SLC16A10: variants seen among roughly 807,000 people sequenced by gnomAD.
The protein encoded by SLC16A10 is monocarboxylate transporter 10.
Under a neutral mutation model 40.0 loss-of-function variants are expected in SLC16A10, and 27 were observed. The ratio of observed to expected loss-of-function variants is 0.67; its 90% confidence interval spans 0.50 to 0.93. SLC16A10 has a LOEUF of 0.93. Ranked by LOEUF, SLC16A10 falls within the 40% of genes least tolerant of loss-of-function variation. The pLI, the probability that SLC16A10 is intolerant of heterozygous loss-of-function variation, is 0.00. For missense variants in SLC16A10, 529 were observed against 658.2 expected (o/e 0.80, Z 2.15); for synonymous variants, 213 against 249.8 (o/e 0.85, Z 1.39).
At chr6:111,118,785 A>T (rs979856006) in intron 1 of SLC16A10, among the ~76,000 whole-genome samples, 9 of 144,734 alleles carry the variant, frequency 6.2e-5, no homozygotes, top group Admixed American at 6.9e-5. Flanking sequence ...GAGAATAGGT[A>T]TCGCCACCTA....
chr6:111,139,093 T>TTCTTC (rs141333381), intron 1 of SLC16A10, among the ~76,000 whole-genome samples: 38 of 5,652 alleles, frequency 6.7e-3, no homozygotes, highest in South Asian at 0.032. Flanking sequence ...CTTCTTCTTC[T>TTCTTC]TTTTTTTTTT....
chr6:111,226,277 G>T lies in SLC16A10; in HGVS notation c.*4042G>T, dbSNP rs1228208639. 1 of 151,870 alleles carries T rather than the reference G, an allele frequency of 6.6e-6. No homozygotes were observed. The highest frequency in any genetic ancestry group is 2.4e-5 in the African/African-American group (1 of 41,334). The allele number at this position is 151,870 out of a possible 1,614,324, so 9.4% of individuals were successfully genotyped here. ...TAAGGTTTCATTAAATCTTAGTTCC[G>T]AGAGCCCAGCATGAAGGGTGACTGG... On this transcript the variant is annotated 3_prime_UTR_variant, in exon 6 of 6. Coordinates refer to ENST00000368851, the MANE Select transcript of SLC16A10 (RefSeq NM_018593.5).
rs1425202402 is a variant in SLC16A10, at chr6:111,222,044, T to C, written c.1357T>C (p.Tyr453His). 6.2e-7 allele frequency: 1 copy of C among 1,610,134 alleles called. No homozygotes were observed. Among genetic ancestry groups the C allele is most frequent in the Non-Finnish European group, 8.5e-7 (1 of 1,179,056 alleles). ...ACTGGGCTCCTATGATGTGGCATTC[T>C]ACCTCGCTGGAGTCCCTCCCCTTAT... ...DKLGSYDVAFYLAGVPPLIGG... is the reference protein window; with the variant it reads ...DKLGSYDVAFHLAGVPPLIGG... The change falls in exon 6 of 6, where the codon TAC becomes CAC. Residue 453 changes from tyrosine to histidine, a missense_variant. Transcript: ENST00000368851.
At chr6:111,157,908 AAAAAAAAAAAAG>A (rs1772300514) in intron 1 of SLC16A10, among the ~76,000 whole-genome samples, 1 of 150,686 alleles carries the variant, frequency 6.6e-6, no homozygotes, top group South Asian at 2.1e-4. Context: ...ATCCGACTAA[AAAAAAAAAAAAG>A]AAAAAAAGAA....
intron 2 of SLC16A10, among the ~76,000 whole-genome samples, chr6:111,174,360 C>T (rs1772640118): frequency 6.6e-6 from 1 of 151,776 alleles, no homozygotes; most frequent in Non-Finnish European, 1.5e-5. Context: ...TTACTCATTG[C>T]CGCCCCCCAC....
intron 1 of SLC16A10, among the ~76,000 whole-genome samples, chr6:111,123,375 A>G (rs1771618112): frequency 6.6e-6 from 1 of 152,026 alleles, no homozygotes; most frequent in African/African-American, 2.4e-5. Context: ...TTCCCTTTCA[A>G]CCTCTCATTA....
At chr6:111,135,833 TCCTCGCCA>T (rs1057484716) in intron 1 of SLC16A10, among the ~76,000 whole-genome samples, 4 of 152,166 alleles carry the variant, frequency 2.6e-5, no homozygotes, top group Non-Finnish European at 5.9e-5. Flanking sequence ...CTCTTAAATT[TCCTCGCCA>T]CCTGTGGCTA....
At position 111,222,510 on chromosome 6, in the gene SLC16A10, T is replaced by C. The variant is rs1433238302; in HGVS notation, c.*275T>C. ...GAAGCTATCTCAGTAAAAAGCAGCTTTGGAAACTGTGAATGATCTTTAGCT... is the reference window on the plus strand; with the variant it reads ...GAAGCTATCTCAGTAAAAAGCAGCTCTGGAAACTGTGAATGATCTTTAGCT... On this transcript the variant is annotated 3_prime_UTR_variant, in exon 6 of 6. Coordinates refer to ENST00000368851, the MANE Select transcript of SLC16A10 (RefSeq NM_018593.5). 1 of 333,440 alleles carries C rather than the reference T, an allele frequency of 3.0e-6. No individual in the cohort carries two copies. Among genetic ancestry groups the C allele is most frequent in the Middle Eastern group, 8.8e-4 (1 of 1,138 alleles). The allele number at this position is 333,440 out of a possible 1,614,324, so 20.7% of individuals were successfully genotyped here. A position where few individuals can be genotyped will look rare whatever the true frequency, so the allele number is the denominator to read the frequency against.
intron 1 of SLC16A10, among the ~76,000 whole-genome samples, chr6:111,110,112 A>G (rs1771359742): frequency 6.6e-6 from 1 of 152,158 alleles, no homozygotes; most frequent in South Asian, 2.1e-4. Flanking sequence ...GATATTTCCT[A>G]TATTTAAGAA....
At chr6:111,119,570 TTACTC>T (rs1388056178) in intron 1 of SLC16A10, among the ~76,000 whole-genome samples, 5 of 152,236 alleles carry the variant, frequency 3.3e-5, no homozygotes, top group Non-Finnish European at 7.3e-5. Context: ...GTGCTGATCT[TTACTC>T]TATAGCATCA....
Position 111,218,922 on chromosome 6 carries a change from T to C in SLC16A10, c.1195T>C (p.Phe399Leu). Residue 399 changes from phenylalanine (F) to leucine (L), a missense_variant, in exon 5 of 6, where the codon TTC becomes CTC. Phe to Leu is a conservative substitution (Grantham distance 22). Transcript: ENST00000368851. ...CATCATGGGTCTCTTCGATGGATGC[T>C]TCATTTCCATTATGGCTCCCATAGC... ...CLIMGLFDGCFISIMAPIAFE... is the reference protein window; with the variant it reads ...CLIMGLFDGCLISIMAPIAFE... 2 of 1,614,166 alleles carry C rather than the reference T, an allele frequency of 1.2e-6. No individual in the cohort carries two copies. The highest frequency in any genetic ancestry group is 2.7e-5 in the African/African-American group (2 of 75,036).
chr6:111,148,630 C>T (rs1772119920), intron 1 of SLC16A10, among the ~76,000 whole-genome samples: 1 of 152,216 alleles, frequency 6.6e-6, no homozygotes, highest in Non-Finnish European at 1.5e-5. Flanking sequence ...CTCCAAATGT[C>T]TCCAAAGGTT....
Position 111,087,686 on chromosome 6 carries a change from T to TC in SLC16A10, c.-65dup. On this transcript the variant is annotated 5_prime_UTR_variant, in exon 1 of 6. Coordinates refer to ENST00000368851, the MANE Select transcript of SLC16A10 (RefSeq NM_018593.5). ...AGCCCGCCAGGAGCCCCGCAGCTCC[T>TC]CCGGGAGCCCGCTGGTAACTCGCGT... The TC allele has an allele frequency of 1.0e-6, 1 of 965,528 alleles. No homozygotes were observed. Among genetic ancestry groups the TC allele is most frequent in the Non-Finnish European group, 1.3e-6 (1 of 756,470 alleles). The allele number at this position is 965,528 out of a possible 1,614,324, so 59.8% of individuals were successfully genotyped here.
intron 1 of SLC16A10, among the ~76,000 whole-genome samples, chr6:111,098,120 A>G (rs996548304): frequency 5.3e-5 from 8 of 152,156 alleles, no homozygotes; most frequent in African/African-American, 1.9e-4. Flanking sequence ...CAGCCTGACC[A>G]ACATGGAGAA....
At chr6:111,187,849 G>C (rs1265154509) in intron 3 of SLC16A10, among the ~76,000 whole-genome samples, 1 of 152,184 alleles carries the variant, frequency 6.6e-6, no homozygotes, top group East Asian at 1.9e-4. Context: ...TCAGGGACAA[G>C]GTTGTTATGC....
intron 1 of SLC16A10, among the ~76,000 whole-genome samples, chr6:111,100,988 C>CTATATATATA (rs1390442093): frequency 2.6e-5 from 2 of 77,674 alleles, no homozygotes; most frequent in Non-Finnish European, 5.1e-5. Flanking sequence ...CTCTCTCTCT[C>CTATATATATA]TCTCTATATA....
chr6:111,112,785 C>T (rs1274727134), intron 1 of SLC16A10, among the ~76,000 whole-genome samples: 1 of 152,146 alleles, frequency 6.6e-6, no homozygotes, highest in East Asian at 1.9e-4. Context: ...AATAGCTGTA[C>T]AGAATTGGCA....
chr6:111,187,307 G>A (rs1160250244), intron 3 of SLC16A10, among the ~76,000 whole-genome samples: 4 of 152,138 alleles, frequency 2.6e-5, no homozygotes, highest in Admixed American at 6.5e-5. Flanking sequence ...TTGGGGTGGC[G>A]AAACAACTTG....
At chr6:111,185,694 A>G (rs1334164712) in intron 3 of SLC16A10, among the ~76,000 whole-genome samples, 9 of 152,216 alleles carry the variant, frequency 5.9e-5, no homozygotes, top group Admixed American at 4.6e-4. Context: ...ACAAAAATGG[A>G]CATGTACAAA....
Sources: allele counts gnomAD v4.1 joint callset (sites outside exome capture counted in the v4.1 genomes callset), GRCh38; gene constraint gnomAD v4.1.1; transcripts MANE v1.5; gene names NCBI Gene and HGNC (gene_info 2026-07-23, HGNC 2026-07-21).